Variants in ZGRF1 observed in about 807,000 individuals in gnomAD.
ZGRF1 encodes the protein zinc finger GRF-type containing 1.
In ZGRF1, 196 loss-of-function variants were observed where a neutral mutation model predicts 203.5. That is an observed-to-expected ratio of 0.96 (90% confidence interval 0.86 to 1.08). The LOEUF is 1.08. ZGRF1 is among the 50% of genes least tolerant of loss of function. The pLI, the probability that ZGRF1 is intolerant of heterozygous loss-of-function variation, is 0.00. For synonymous variants in ZGRF1, 809 were observed against 841.3 expected (o/e 0.96, Z 0.66); for missense variants, 2,326 against 2,416.3 (o/e 0.96, Z 0.78).
At position 112,618,067 on chromosome 4, in the gene ZGRF1, T is replaced by C; in HGVS notation, c.1975A>G (p.Lys659Glu). The C allele has an allele frequency of 6.2e-7, 1 of 1,613,832 alleles. No individual in the cohort carries two copies. The highest frequency in any genetic ancestry group is 8.5e-7 in the Non-Finnish European group (1 of 1,179,894). ...KWTDAVYGDNKEDANKPIQEV... is the reference protein window; with the variant it reads ...KWTDAVYGDNEEDANKPIQEV... ...TGAATAGGTTTATTAGCATCTTCTTTATTATCTCCGTATACAGCATCAGTC... is the reference window on the plus strand; with the variant it reads ...TGAATAGGTTTATTAGCATCTTCTTCATTATCTCCGTATACAGCATCAGTC... The change falls in exon 6 of 28, where the codon AAA (lysine) becomes GAA (glutamate). Residue 659 changes from lysine to glutamate, a missense_variant. Lys to Glu is a moderately conservative substitution (Grantham distance 56). Coordinates refer to ENST00000505019, the MANE Select transcript of ZGRF1 (RefSeq NM_018392.5).
rs1023751629 is a variant in ZGRF1 at position 112,618,960 on chromosome 4, G to C, written c.1082C>G (p.Ser361Cys). 1.9e-6 allele frequency: 3 copies of C among 1,613,680 alleles called. No individual in the cohort carries two copies. In the East Asian group the frequency reaches 6.7e-5, roughly 36 times the overall value. ...KPKAQEDDVN[S>C]NLKDLSLQKI... Reference sequence around the variant, plus strand: ...TTGTAATGAAAGGTCTTTCAAATTAGAATTTACATCATCTTCCTGGGCCTT... The same window carrying C: ...TTGTAATGAAAGGTCTTTCAAATTACAATTTACATCATCTTCCTGGGCCTT... The change falls in exon 6 of 28, where the codon TCT (serine) becomes TGT (cysteine). Residue 361 changes from serine (S) to cysteine (C), a missense_variant. Physicochemically the swap from Ser to Cys is moderately radical, Grantham distance 112. Coordinates refer to ENST00000505019, the MANE Select transcript of ZGRF1 (RefSeq NM_018392.5).
At chr4:112,545,137 A>C (rs904827767) in intron 24 of ZGRF1, among the ~76,000 whole-genome samples, 10 of 152,196 alleles carry the variant, frequency 6.6e-5, no homozygotes, top group African/African-American at 2.4e-4. Context: ...AAAAATAGGT[A>C]AACTGAACTT....
At chr4:112,565,824 A>G (rs1410895002) in intron 16 of ZGRF1, among the ~76,000 whole-genome samples, 1 of 152,170 alleles carries the variant, frequency 6.6e-6, no homozygotes, top group African/African-American at 2.4e-5. Context: ...TTAGAATGGC[A>G]GTCATTAAAA....
intron 2 of ZGRF1, among the ~76,000 whole-genome samples, chr4:112,632,862 C>A (rs56211025): frequency 0.047 from 7,221 of 152,230 alleles, 217 homozygotes; most frequent in Non-Finnish European, 0.078. Flanking sequence ...TTACAAAGGA[C>A]TTTGTCTAAT....
At chr4:112,628,792 G>A (rs768590077) in intron 3 of ZGRF1, 55 of 440,300 alleles carry the variant, frequency 1.2e-4, no homozygotes, top group South Asian at 8.8e-4. Context: ...CAACACAAAG[G>A]ATATGCAGAA....
rs376635191 is a variant in ZGRF1, at chr4:112,548,287, T to C, written c.5440A>G (p.Ile1814Val). 1.1e-5 allele frequency: 17 copies of C among 1,552,372 alleles called. No homozygotes were observed. Among genetic ancestry groups the C allele is most frequent in the Non-Finnish European group, 1.4e-5 (16 of 1,147,146 alleles). Reference sequence around the variant, plus strand: ...GGAAGGAGAGAGGCCGGTTCAGTTATCTGACTACACTCATCCAGCACAACT... The same window carrying C: ...GGAAGGAGAGAGGCCGGTTCAGTTACCTGACTACACTCATCCAGCACAACT... ...PVVVLDECSQ[I>V]TEPASLLPIA... Residue 1814 changes from isoleucine (I) to valine (V), a missense_variant, in exon 23 of 28, where the codon ATA becomes GTA. Coordinates refer to ENST00000505019, the MANE Select transcript of ZGRF1 (RefSeq NM_018392.5).
At chr4:112,567,320 A>G (rs1743301580) in intron 16 of ZGRF1, among the ~76,000 whole-genome samples, 1 of 152,130 alleles carries the variant, frequency 6.6e-6, no homozygotes, top group Admixed American at 6.5e-5. Context: ...TTCACAGGCC[A>G]AAATATTGAG....
At position 112,539,398 on chromosome 4, in the gene ZGRF1, T is replaced by C. The variant is rs1737091348; in HGVS notation, c.*149A>G. On this transcript the variant is annotated 3_prime_UTR_variant, in exon 28 of 28. Transcript: ENST00000505019. The stretch of plus-strand genomic sequence containing the variant: ...TTTATACTACCTTTTGTACACTTTT[T>C]TGAAGAACAAAATTTTTACATGTGT... The C allele has an allele frequency of 8.3e-6, 4 of 482,464 alleles. No homozygotes were observed. Among genetic ancestry groups the C allele is most frequent in the South Asian group, 5.5e-5 (1 of 18,086 alleles). 29.9% of individuals were successfully genotyped at this position (482,464 alleles called of 1,614,324 possible). A position where few individuals can be genotyped will look rare whatever the true frequency, so the allele number is the denominator to read the frequency against.
intron 16 of ZGRF1, among the ~76,000 whole-genome samples, chr4:112,569,438 C>T (rs1463111591): frequency 6.6e-6 from 1 of 152,152 alleles, no homozygotes; most frequent in East Asian, 1.9e-4. Flanking sequence ...AGCTCCTCAG[C>T]TCTTTTTGGG....
At position 112,586,868 on chromosome 4, in the gene ZGRF1, C is replaced by T. The variant is rs922698116; in HGVS notation, c.3778-285G>A. ...GTTAACTGATGTGAATGGATCATTA[C>T]GTATCTTTATTTCTGGTTATGACTA... is the stretch of plus-strand genomic sequence containing the variant. On this transcript the variant is annotated intron_variant, in intron 12 of 27. Coordinates refer to ENST00000505019, the MANE Select transcript of ZGRF1 (RefSeq NM_018392.5). Among the ~76,000 whole-genome samples, 12 of 152,218 alleles carry T rather than the reference C, an allele frequency of 7.9e-5. No individual in the cohort carries two copies. The South Asian group carries it at 8.3e-4, about 11-fold the overall frequency.
chr4:112,549,654 A>T (rs967199476), intron 22 of ZGRF1, among the ~76,000 whole-genome samples: 1 of 152,230 alleles, frequency 6.6e-6, no homozygotes, highest in Non-Finnish European at 1.5e-5. Flanking sequence ...TGCCAGTCAT[A>T]TAAAAGTATA....
chr4:112,548,678 T>G (rs868066819), intron 22 of ZGRF1, among the ~76,000 whole-genome samples: 1 of 151,148 alleles, frequency 6.6e-6, no homozygotes, highest in Non-Finnish European at 1.5e-5. Context: ...ACATCTAGGA[T>G]GACGCACATA....
chr4:112,607,808 C>T lies in ZGRF1; in HGVS notation c.2718+1571G>A, dbSNP rs1002866409. The stretch of plus-strand genomic sequence containing the variant: ...AAAAAATAATTATCCAGCCATCGTA[C>T]TGTGCACCTGTGGTCCCAGCTACTT... On this transcript the variant is annotated intron_variant, in intron 8 of 27. Transcript: ENST00000505019. The T allele has an allele frequency of 8.5e-5, 13 of 152,392 alleles. No homozygotes were observed. The East Asian group carries it at 2.3e-3, about 27-fold the overall frequency. 9.4% of individuals were successfully genotyped at this position (152,392 alleles called of 1,614,324 possible).
At chr4:112,603,813 T>C in intron 9 of ZGRF1, 116 bp from the exon 10 acceptor site, 1 of 675,312 alleles carries the variant, frequency 1.5e-6, no homozygotes, top group Non-Finnish European at 2.3e-6. Context: ...GGAACTATTG[T>C]AAATACCAGG....
intron 19 of ZGRF1, among the ~76,000 whole-genome samples, chr4:112,559,280 C>T (rs1011597963): frequency 6.6e-6 from 1 of 152,006 alleles, no homozygotes; most frequent in Non-Finnish European, 1.5e-5. Flanking sequence ...CTCACTGCAA[C>T]CTCTGCCTCC....
Position 112,618,813 on chromosome 4 carries a change from T to C in ZGRF1, c.1229A>G (p.Asn410Ser), listed in dbSNP as rs7696816. ...QEVKLEIPSF[N>S]ESSSLQVTCS... ...AGTAACCTGTAAGCTACTGCTTTCA[T>C]TGAATGAAGGAATTTCTAATTTTAC... is the stretch of plus-strand genomic sequence containing the variant. The change falls in exon 6 of 28, where the codon AAT becomes AGT. Residue 410 changes from asparagine to serine, a missense_variant. By Grantham distance (46) the Asn-to-Ser change is conservative (BLOSUM62 1). Coordinates refer to ENST00000505019, the MANE Select transcript of ZGRF1 (RefSeq NM_018392.5). 0.43 allele frequency: 685,223 copies of C among 1,611,748 alleles called. 147,902 individuals carry two copies. The highest frequency in any genetic ancestry group is 0.54 in the Admixed American group (32,641 of 59,982).
intron 4 of ZGRF1, 123 bp from the exon 5 acceptor site, chr4:112,620,313 G>GT: frequency 1.8e-6 from 1 of 556,124 alleles, no homozygotes; most frequent in Non-Finnish European, 3.0e-6. Context: ...GAATAAATCA[G>GT]TAACTAAAGT....
intron 10 of ZGRF1, among the ~76,000 whole-genome samples, chr4:112,593,604 T>C (rs1748526853): frequency 6.6e-6 from 1 of 152,306 alleles, no homozygotes; most frequent in Admixed American, 6.5e-5. Context: ...AATTACCATT[T>C]TCTGTTTCAT....
intron 24 of ZGRF1, among the ~76,000 whole-genome samples, chr4:112,544,433 C>A (rs968870870): frequency 6.6e-6 from 1 of 152,068 alleles, no homozygotes; most frequent in Non-Finnish European, 1.5e-5. Context: ...GCATAGTGAG[C>A]CAGAATTCAT....
Sources: allele counts gnomAD v4.1 joint callset (sites outside exome capture counted in the v4.1 genomes callset), GRCh38; gene constraint gnomAD v4.1.1; transcripts MANE v1.5; gene names NCBI Gene and HGNC (gene_info 2026-07-23, HGNC 2026-07-21).